SPOCK3: variants seen among roughly 807,000 people sequenced by gnomAD.
SPOCK3 encodes testican-3.
In SPOCK3, 30 loss-of-function variants were observed where a neutral mutation model predicts 56.6. The ratio of observed to expected loss-of-function variants is 0.53; its 90% CI spans 0.40 to 0.72. The LOEUF (loss-of-function observed/expected upper bound fraction) is 0.72. SPOCK3 is among the 30% of genes least tolerant of loss of function. SPOCK3 has a pLI of 0.00. For missense variants in SPOCK3, 527 were observed against 530.0 expected, an observed-to-expected ratio of 0.99 and a Z score of 0.06; for synonymous variants, 196 against 183.3, an observed-to-expected ratio of 1.07 and a Z score of -0.56.
chr4:167,158,230 A>C (rs1459770224), intron 2 of SPOCK3, among the ~76,000 whole-genome samples: 1 of 151,972 alleles, frequency 6.6e-6, no homozygotes, highest in Non-Finnish European at 1.5e-5. Flanking sequence ...AAAAATATAG[A>C]AATAGGATAT....
chr4:167,205,206 TATTA>T (rs1188284561), intron 2 of SPOCK3, among the ~76,000 whole-genome samples: 1 of 100,022 alleles, frequency 1.0e-5, no homozygotes, highest in Non-Finnish European at 1.9e-5. Context: ...CTATAATATA[TATTA>T]TATATTATAT....
intron 4 of SPOCK3, among the ~76,000 whole-genome samples, chr4:166,966,060 T>G (rs1044918077): frequency 1.3e-5 from 2 of 152,130 alleles, no homozygotes; most frequent in Non-Finnish European, 2.9e-5. Flanking sequence ...AGTTTTGCCT[T>G]TTCCAGAATG....
At chr4:166,832,699 A>C (rs1215756235) in intron 6 of SPOCK3, among the ~76,000 whole-genome samples, 2 of 152,224 alleles carry the variant, frequency 1.3e-5, no homozygotes, top group Non-Finnish European at 2.9e-5. Context: ...TGGTACTTAC[A>C]CATCATGGAA....
intron 5 of SPOCK3, among the ~76,000 whole-genome samples, chr4:166,901,722 G>A (rs550487065): frequency 3.3e-5 from 5 of 152,140 alleles, no homozygotes; most frequent in African/African-American, 9.7e-5. Flanking sequence ...CAAAAGCCAC[G>A]TTGGATGTAT....
chr4:166,947,979 T>A (rs1414069215), intron 4 of SPOCK3, among the ~76,000 whole-genome samples: 1 of 152,168 alleles, frequency 6.6e-6, no homozygotes, highest in Admixed American at 6.5e-5. Flanking sequence ...CCCAACTAAC[T>A]GTAACTTTGT....
In SPOCK3 at chr4:166,860,780, C is replaced by T. The variant is rs182913757; in HGVS notation, c.589+28350G>A. On this transcript the variant is annotated intron_variant, in intron 6 of 10. Coordinates refer to ENST00000357545, the MANE Select transcript of SPOCK3 (RefSeq NM_001040159.2). ...CTCACTCAGAACACAGGAAAACACACGTGTACATGCACACACAAATTCATA... is the reference window on the plus strand; with the variant it reads ...CTCACTCAGAACACAGGAAAACACATGTGTACATGCACACACAAATTCATA... 4.1e-3 allele frequency among the ~76,000 whole-genome samples: 225 copies of T among 54,830 alleles called. 4 individuals carry two copies. The East Asian group carries it at 0.094, about 23-fold the overall frequency. The allele number at this position is 54,830 out of a possible 152,430, so 36.0% of individuals were successfully genotyped here.
chr4:167,229,983 T>C (rs1736991960), intron 2 of SPOCK3, among the ~76,000 whole-genome samples: 1 of 152,106 alleles, frequency 6.6e-6, no homozygotes, highest in African/African-American at 2.4e-5. Context: ...TCTAGAACTA[T>C]TTGAATTTCC....
At chr4:167,029,576 T>C (rs1477268459) in intron 3 of SPOCK3, among the ~76,000 whole-genome samples, 1 of 152,108 alleles carries the variant, frequency 6.6e-6, no homozygotes, top group Non-Finnish European at 1.5e-5. Flanking sequence ...TGTAATTTAC[T>C]TCCCTTCAAT....
At chr4:167,220,675 T>A (rs538998711) in intron 2 of SPOCK3, among the ~76,000 whole-genome samples, 1 of 152,094 alleles carries the variant, frequency 6.6e-6, no homozygotes, top group Admixed American at 6.6e-5. Context: ...GCGTGAGCCA[T>A]CCCACCCAGC....
At chr4:166,827,158 A>G (rs1745565701) in intron 6 of SPOCK3, among the ~76,000 whole-genome samples, 1 of 152,086 alleles carries the variant, frequency 6.6e-6, no homozygotes, top group Non-Finnish European at 1.5e-5. Context: ...TGGAGCGTAT[A>G]GCCTGAAAAT....
At chr4:167,180,557 A>G (rs1731370514) in intron 2 of SPOCK3, among the ~76,000 whole-genome samples, 2 of 152,178 alleles carry the variant, frequency 1.3e-5, no homozygotes, top group South Asian at 4.1e-4. Flanking sequence ...TAAGCAAGAA[A>G]TACTGAGGTC....
intron 7 of SPOCK3, among the ~76,000 whole-genome samples, chr4:166,781,934 T>C (rs946641287): frequency 6.6e-6 from 1 of 152,128 alleles, no homozygotes; most frequent in African/African-American, 2.4e-5. Context: ...AGTGAAAATA[T>C]ATTTTAAAAA....
rs188791045 is a variant in SPOCK3 at position 166,946,195 on chromosome 4, T to C, written c.351-33452A>G. On this transcript the variant is annotated intron_variant, in intron 4 of 10. Coordinates refer to ENST00000357545, the MANE Select transcript of SPOCK3 (RefSeq NM_001040159.2). The stretch of plus-strand genomic sequence containing the variant: ...ATAACTTACTCTCCAAACCCCCACA[T>C]CTTACAATATGTTCTTGATACAGTT... 2.6e-5 allele frequency among the ~76,000 whole-genome samples: 4 copies of C among 152,190 alleles called. No homozygotes were observed. In the East Asian group the frequency reaches 7.8e-4, roughly 30 times the overall value.
chr4:167,115,066 C>T (rs137998960), intron 2 of SPOCK3, among the ~76,000 whole-genome samples: 40 of 152,034 alleles, frequency 2.6e-4, no homozygotes, highest in Admixed American at 7.2e-4. Flanking sequence ...TATATAGCTA[C>T]GGGAAACATA....
chr4:166,968,504 A>T (rs1744998805), intron 4 of SPOCK3, among the ~76,000 whole-genome samples: 1 of 152,162 alleles, frequency 6.6e-6, no homozygotes, highest in African/African-American at 2.4e-5. Flanking sequence ...TCCAGCAATG[A>T]CTAAACAGAC....
intron 6 of SPOCK3, among the ~76,000 whole-genome samples, chr4:166,832,756 G>A (rs549454549): frequency 8.3e-4 from 127 of 152,232 alleles, no homozygotes; most frequent in African/African-American, 2.0e-3. Context: ...TTGCAGCAGC[G>A]TAGATGCAGC....
At chr4:166,990,988 T>G (rs1747722619) in intron 4 of SPOCK3, among the ~76,000 whole-genome samples, 1 of 152,156 alleles carries the variant, frequency 6.6e-6, no homozygotes, top group South Asian at 2.1e-4. Context: ...CTAATTGCTT[T>G]AAAGTAATAG....
rs144608463 is a variant in SPOCK3, at chr4:167,176,075, G to A, written c.189+57910C>T. 8.5e-5 allele frequency among the ~76,000 whole-genome samples: 13 copies of A among 152,128 alleles called. No homozygotes were observed. The East Asian group carries it at 2.5e-3, about 29-fold the overall frequency. On this transcript the variant is annotated intron_variant, in intron 2 of 10. Coordinates refer to ENST00000357545, the MANE Select transcript of SPOCK3 (RefSeq NM_001040159.2). The stretch of plus-strand genomic sequence containing the variant: ...TTGCTTTTTTTAGTTTCTAGAGGTT[G>A]TCTGCATTCCTTGGTTCATGGCCCA...
intron 4 of SPOCK3, among the ~76,000 whole-genome samples, chr4:166,984,063 T>C (rs1392218279): frequency 6.6e-6 from 1 of 152,074 alleles, no homozygotes; most frequent in Non-Finnish European, 1.5e-5. Context: ...TTCATCAATA[T>C]GCTAATCATT....
Sources: allele counts gnomAD v4.1 joint callset (sites outside exome capture counted in the v4.1 genomes callset), GRCh38; gene constraint gnomAD v4.1.1; transcripts MANE v1.5; gene names NCBI Gene and HGNC (gene_info 2026-07-23, HGNC 2026-07-21).